INS: variants seen among roughly 807,000 people sequenced by gnomAD.
INS encodes the protein insulin.
In INS, 6 loss-of-function variants were observed where a neutral mutation model predicts 10.5. The observed-to-expected ratio is 0.57, with a 90% CI of 0.31 to 1.13. The LOEUF (loss-of-function observed/expected upper bound fraction) is 1.13. Among genes scored for constraint, INS ranks in the 50% most tolerant of loss-of-function variants. The pLI is 0.05. For synonymous variants in INS, 71 were observed against 62.7 expected (o/e 1.13, Z -0.63); for missense variants, 109 against 138.6 (o/e 0.79, Z 1.07).
chr11:2,160,715 G>C (rs940358303), intron 2 of INS, 70 bp downstream of exon 2: 3 of 1,588,072 alleles, frequency 1.9e-6, no homozygotes, highest in African/African-American at 2.7e-5. Flanking sequence ...TTCTGCCCAT[G>C]CTGGGTGGGA....
Position 2,160,965 on chromosome 11 carries a change from G to C in INS, c.7C>G (p.Leu3Val). 1 of 1,612,320 alleles carries C rather than the reference G, an allele frequency of 6.2e-7. No individual in the cohort carries two copies. Among genetic ancestry groups the C allele is most frequent in the East Asian group, 2.2e-5 (1 of 44,872 alleles). The change falls in exon 2 of 3, where the codon CTG becomes GTG. Residue 3 changes from leucine to valine, a missense_variant. Leu to Val is a conservative substitution (Grantham distance 32). Coordinates refer to ENST00000381330, the MANE Select transcript of INS (RefSeq NM_000207.3). The part of the protein sequence containing the change: MA[L>V]WMRLLPLLAL... ...AGCAGGGGCAGGAGGCGCATCCACA[G>C]GGCCATGGCAGAAGGACAGTGATCT...
chr11:2,160,640 A>ACC, intron 2 of INS, 145 bp downstream of exon 2: 1 of 988,260 alleles, frequency 1.0e-6, no homozygotes, highest in East Asian at 2.6e-5. Flanking sequence ...TTAGGACGTG[A>ACC]CCAAGAGAAC....
chr11:2,161,176 T>C lies in INS; in HGVS notation c.-26A>G, dbSNP rs1845888574. On this transcript the variant is annotated 5_prime_UTR_variant, in exon 1 of 3. Coordinates refer to ENST00000381330, the MANE Select transcript of INS (RefSeq NM_000207.3). ...AGGCCCTTGGAACAGACCTGCTTGATGGCCTCTTCTGATGCAGCCTGTCCT... is the reference window on the plus strand; with the variant it reads ...AGGCCCTTGGAACAGACCTGCTTGACGGCCTCTTCTGATGCAGCCTGTCCT... 1.5e-6 allele frequency: 1 copy of C among 669,548 alleles called. No individual in the cohort carries two copies. The highest frequency in any genetic ancestry group is 4.1e-4 in the Middle Eastern group (1 of 2,424). The allele number at this position is 669,548 out of a possible 1,614,324, so 41.5% of individuals were successfully genotyped here. A position where few individuals can be genotyped will look rare whatever the true frequency, so the allele number is the denominator to read the frequency against.
Position 2,161,006 on chromosome 11 carries a change from C to G in INS, c.-17-18G>C. 1 of 1,606,002 alleles carries G rather than the reference C, an allele frequency of 6.2e-7. No individual in the cohort carries two copies. The highest frequency in any genetic ancestry group is 8.5e-7 in the Non-Finnish European group (1 of 1,177,790). ...ACAGTGATCTGGGAGACAGGCAGGG[C>G]TGAGGCAGGCTGAAGGCCAGGTGCC... On this transcript the variant is annotated intron_variant, in intron 1 of 2. Transcript: ENST00000381330.
In INS at chr11:2,159,945, C is replaced by G; in HGVS notation, c.240G>C (p.Leu80Phe). The G allele has an allele frequency of 6.3e-7, 1 of 1,596,580 alleles. No homozygotes were observed. The highest frequency in any genetic ancestry group is 8.5e-7 in the Non-Finnish European group (1 of 1,173,170). Residue 80 changes from leucine (L) to phenylalanine (F), a missense_variant, in exon 3 of 3, where the codon TTG (leucine) becomes TTC (phenylalanine). Leu to Phe is a conservative substitution (Grantham distance 22, BLOSUM62 0). Around this residue, in one of 2 missense-constraint regions of INS, gnomAD observed 108 missense variants for 118.0 expected, o/e 0.92. Transcript: ENST00000381330. ...GCTTCTGCAGGGACCCCTCCAGGGC[C>G]AAGGGCTGCAGGCTGCCTGCACCAG... ...GGPGAGSLQP[L>F]ALEGSLQKRG...
chr11:2,159,850 G>T lies in INS; in HGVS notation c.*2C>A. The T allele has an allele frequency of 1.2e-6, 2 of 1,611,252 alleles. No individual in the cohort carries two copies. The highest frequency in any genetic ancestry group is 1.7e-4 in the Middle Eastern group (1 of 6,060). ...GGGTGTGGGGCTGCCTGCGGGCTGC[G>T]TCTAGTTGCAGTAGTTCTCCAGCTG... On this transcript the variant is annotated 3_prime_UTR_variant, in exon 3 of 3. Coordinates refer to ENST00000381330, the MANE Select transcript of INS (RefSeq NM_000207.3).
rs1845879289 is a variant in INS, at chr11:2,160,909, TGGGTCAGGTCCCCAGA to T, written c.47_62del (p.Leu16GlnfsTer6). 1 of 1,612,512 alleles carries T rather than the reference TGGGTCAGGTCCCCAGA, an allele frequency of 6.2e-7. No homozygotes were observed. Among genetic ancestry groups the T allele is most frequent in the African/African-American group, 1.3e-5 (1 of 74,926 alleles). The stretch of plus-strand genomic sequence containing the variant: ...GGTGTTGGTTCACAAAGGCTGCGGC[TGGGTCAGGTCCCCAGA>T]GGGCCAGCAGCGCCAGCAGGGGCAG... On this transcript the variant is annotated frameshift_variant, in exon 2 of 3. Transcript: ENST00000381330. LOFTEE classifies it high-confidence loss of function.
intron 2 of INS, 112 bp from the exon 3 acceptor site, chr11:2,160,109 C>T (rs1845849643): frequency 1.9e-5 from 22 of 1,134,234 alleles, no homozygotes; most frequent in Non-Finnish European, 2.6e-5. Context: ...CCCTAGGTCG[C>T]ACTCCCACCC....
chr11:2,161,197 G>A lies in INS; in HGVS notation c.-47C>T, dbSNP rs1194035564. The A allele has an allele frequency of 2.4e-5, 15 of 614,258 alleles. No individual in the cohort carries two copies. In the East Asian group the frequency reaches 4.0e-4, roughly 16 times the overall value. The allele number at this position is 614,258 out of a possible 1,614,324, so 38.1% of individuals were successfully genotyped here. On this transcript the variant is annotated 5_prime_UTR_variant, in exon 1 of 3. Coordinates refer to ENST00000381330, the MANE Select transcript of INS (RefSeq NM_000207.3). ...TTGATGGCCTCTTCTGATGCAGCCT[G>A]TCCTGGAGGGCTGAGGGCTGCTGGG...
Position 2,159,972 on chromosome 11 carries a change from G to A in INS, c.213C>T (p.Gly71=). The A allele has an allele frequency of 6.3e-7, 1 of 1,588,984 alleles. No individual in the cohort carries two copies. The highest frequency in any genetic ancestry group is 8.5e-7 in the Non-Finnish European group (1 of 1,170,270). Reference sequence around the variant, plus strand: ...AGGGCTGCAGGCTGCCTGCACCAGGGCCCCCGCCCAGCTCCACCTGCCCCA... The same window carrying A: ...AGGGCTGCAGGCTGCCTGCACCAGGACCCCCGCCCAGCTCCACCTGCCCCA... ...LQVGQVELGG[G]PGAGSLQPLA... The change falls in exon 3 of 3, where the codon GGC becomes GGT. Residue 71 remains glycine (G), a synonymous_variant. Transcript: ENST00000381330.
At chr11:2,160,137 AC>A in intron 2 of INS, 140 bp from the exon 3 acceptor site, 1 of 924,666 alleles carries the variant, frequency 1.1e-6, no homozygotes, top group Non-Finnish European at 1.7e-6. Context: ...GCCGGGCTGG[AC>A]CCAGGTTAGA....
rs781277798 is a variant in INS at position 2,159,828 on chromosome 11, T to C, written c.*24A>G. The stretch of plus-strand genomic sequence containing the variant: ...CTCTCTCGGTGCAGGAGGCGGCGGG[T>C]GTGGGGCTGCCTGCGGGCTGCGTCT... On this transcript the variant is annotated 3_prime_UTR_variant, in exon 3 of 3. Coordinates refer to ENST00000381330, the MANE Select transcript of INS (RefSeq NM_000207.3). The C allele has an allele frequency of 6.2e-7, 1 of 1,607,540 alleles. No homozygotes were observed. The highest frequency in any genetic ancestry group is 2.2e-5 in the East Asian group (1 of 44,660).
chr11:2,160,732 G>C lies in INS; in HGVS notation c.187+53C>G, dbSNP rs1845870801. 1.9e-6 allele frequency: 3 copies of C among 1,598,126 alleles called. No homozygotes were observed. In the South Asian group the frequency reaches 3.3e-5, roughly 18 times the overall value. On this transcript the variant is annotated intron_variant, in intron 2 of 2. Coordinates refer to ENST00000381330, the MANE Select transcript of INS (RefSeq NM_000207.3). ...CTGCCCATGCTGGGTGGGAGCGCCA[G>C]GAGCAGGGGGTGGCTGGGGGCGGCC...
At position 2,160,037 on chromosome 11, in the gene INS, G is replaced by A. The variant is rs545716462; in HGVS notation, c.188-40C>T. The A allele has an allele frequency of 2.3e-5, 35 of 1,550,510 alleles. No individual in the cohort carries two copies. The highest frequency in any genetic ancestry group is 2.8e-5 in the Non-Finnish European group (32 of 1,153,838). On this transcript the variant is annotated intron_variant, in intron 2 of 2. Transcript: ENST00000381330. ...CGCGCAGAGCAGGTTCCGGAACAGC[G>A]GCGAGGCAGAGGGACACAGGAGGAC...
chr11:2,161,030 C>G, intron 1 of INS, 42 bp from the exon 2 acceptor site: 3 of 1,589,562 alleles, frequency 1.9e-6, no homozygotes, highest in Middle Eastern at 2.1e-4. Flanking sequence ...AGGCCAGGTG[C>G]CCTGCCTTGG....
At position 2,160,674 on chromosome 11, in the gene INS, AC is replaced by A. The variant is rs1307968643; in HGVS notation, c.187+110del. 2.2e-6 allele frequency: 3 copies of A among 1,342,558 alleles called. No homozygotes were observed. In the East Asian group the frequency reaches 7.0e-5, roughly 31 times the overall value. 83.2% of individuals were successfully genotyped at this position (1,342,558 alleles called of 1,614,324 possible). On this transcript the variant is annotated intron_variant, in intron 2 of 2. Coordinates refer to ENST00000381330, the MANE Select transcript of INS (RefSeq NM_000207.3). ...ACTTCTTTTTAAAAAAGTGCACCTG[AC>A]CCCCTGCTGGGTGGCAGCCTCCTGC... is the stretch of plus-strand genomic sequence containing the variant.
chr11:2,160,113 C>T (rs1845849942), intron 2 of INS, 116 bp from the exon 3 acceptor site: 1 of 1,110,204 alleles, frequency 9.0e-7, no homozygotes, highest in African/African-American at 1.5e-5. Flanking sequence ...AGGTCGCACT[C>T]CCACCCATCT....
Position 2,160,111 on chromosome 11 carries a change from C to A in INS, c.188-114G>T, listed in dbSNP as rs529554227. 5.3e-4 allele frequency: 598 copies of A among 1,134,462 alleles called. No individual in the cohort carries two copies. The highest frequency in any genetic ancestry group is 7.2e-4 in the Non-Finnish European group (564 of 784,424). The allele number at this position is 1,134,462 out of a possible 1,614,324, so 70.3% of individuals were successfully genotyped here. ...GCCTGCCCGCCAGCCCTAGGTCGCA[C>A]TCCCACCCATCTCCAGCCGGGCTGG... On this transcript the variant is annotated intron_variant, in intron 2 of 2. Coordinates refer to ENST00000381330, the MANE Select transcript of INS (RefSeq NM_000207.3).
chr11:2,160,130 G>A (rs748031784), intron 2 of INS, 133 bp from the exon 3 acceptor site: 31 of 960,512 alleles, frequency 3.2e-5, no homozygotes, highest in East Asian at 1.1e-4. Context: ...ATCTCCAGCC[G>A]GGCTGGACCC....
Sources: gnomAD v4.1 joint callset for allele counts on GRCh38, gnomAD v4.1.1 for gene constraint, gnomAD v4.1.1 regional missense constraint, MANE v1.5 for transcripts, NCBI Gene and HGNC (gene_info 2026-07-23, HGNC 2026-07-21) for gene names.